Variants in PDSS2 observed in about 807,000 individuals in gnomAD.
PDSS2 encodes decaprenyl diphosphate synthase subunit 2, also known as all trans-polyprenyl-diphosphate synthase PDSS2.
PDSS2 carries 31 observed loss-of-function variants against 44.5 expected under a neutral mutation model. That is an observed-to-expected ratio of 0.70 (90% CI 0.52 to 0.94). The LOEUF is 0.94. Among genes scored for constraint, PDSS2 ranks in the 40% least tolerant of loss-of-function variants. PDSS2 has a pLI of 0.00. For synonymous variants in PDSS2, 157 were observed against 180.3 expected (o/e 0.87, Z 1.03); for missense variants, 452 against 482.2 (o/e 0.94, Z 0.59).
At chr6:107,421,132 G>T (rs1780811702) in intron 1 of PDSS2, among the ~76,000 whole-genome samples, 1 of 152,142 alleles carries the variant, frequency 6.6e-6, no homozygotes, top group Non-Finnish European at 1.5e-5. Flanking sequence ...TTAAAGCTAA[G>T]ATGAGATATT....
intron 7 of PDSS2, among the ~76,000 whole-genome samples, chr6:107,190,973 G>A (rs1465587273): frequency 6.6e-6 from 1 of 151,966 alleles, no homozygotes; most frequent in African/African-American, 2.4e-5. Flanking sequence ...CTCACTGCAA[G>A]CTCCGCCTCC....
rs775124405 is a variant in PDSS2, at chr6:107,193,778, A to G, written c.1041+44T>C. The G allele has an allele frequency of 3.4e-6, 4 of 1,179,862 alleles. No homozygotes were observed. The African/African-American group carries it at 6.0e-5, about 18-fold the overall frequency. 73.1% of individuals were successfully genotyped at this position (1,179,862 alleles called of 1,614,324 possible). On this transcript the variant is annotated intron_variant, in intron 7 of 7. Transcript: ENST00000369037. The stretch of plus-strand genomic sequence containing the variant: ...AATATAAACGAAAGCCAAACACCAA[A>G]TTGAAATGTGTAAAATAGTACAGTA...
At chr6:107,451,005 T>C (rs1781849001) in intron 1 of PDSS2, among the ~76,000 whole-genome samples, 1 of 152,182 alleles carries the variant, frequency 6.6e-6, no homozygotes, top group Admixed American at 6.5e-5. Flanking sequence ...TAATTTTTTA[T>C]ATATTTTGTA....
At chr6:107,408,822 T>C (rs534060637) in intron 1 of PDSS2, among the ~76,000 whole-genome samples, 13 of 152,290 alleles carry the variant, frequency 8.5e-5, no homozygotes, top group Admixed American at 7.8e-4. Context: ...GAACCCTAAA[T>C]ACTTTACAAG....
intron 2 of PDSS2, among the ~76,000 whole-genome samples, chr6:107,284,877 T>G (rs1376134788): frequency 6.6e-6 from 1 of 152,156 alleles, no homozygotes; most frequent in Non-Finnish European, 1.5e-5. Context: ...TGTAAAAATA[T>G]TTTTGCAAAA....
intron 2 of PDSS2, among the ~76,000 whole-genome samples, chr6:107,313,809 C>T (rs996658021): frequency 2.6e-5 from 4 of 151,858 alleles, no homozygotes; most frequent in East Asian, 3.9e-4. Context: ...TCTTTTGTTT[C>T]GTATGAAATA....
chr6:107,159,829 G>A (rs1285952630), intron 7 of PDSS2, among the ~76,000 whole-genome samples: 2 of 152,244 alleles, frequency 1.3e-5, no homozygotes, highest in East Asian at 3.9e-4. Flanking sequence ...ATGTCTGCAT[G>A]ACTAGATAAG....
chr6:107,261,739 G>C (rs1775236448), intron 3 of PDSS2, among the ~76,000 whole-genome samples: 1 of 151,126 alleles, frequency 6.6e-6, no homozygotes, highest in Non-Finnish European at 1.5e-5. Context: ...CACCATGCCC[G>C]GCTAATTTTT....
chr6:107,232,109 T>C (rs1774071906), intron 4 of PDSS2, among the ~76,000 whole-genome samples: 1 of 152,190 alleles, frequency 6.6e-6, no homozygotes, highest in Admixed American at 6.5e-5. Flanking sequence ...ACTCAACATC[T>C]GTTGAGTGAG....
At position 107,210,503 on chromosome 6, in the gene PDSS2, G is replaced by T; in HGVS notation, c.944C>A (p.Ser315Ter). 1 of 1,602,684 alleles carries T rather than the reference G, an allele frequency of 6.2e-7. No individual in the cohort carries two copies. Among genetic ancestry groups the T allele is most frequent in the South Asian group, 1.1e-5 (1 of 90,828 alleles). The change falls in exon 6 of 8, where the codon TCA (serine) becomes TAA (stop). Residue 315 changes from serine to a stop codon, truncating the protein, a stop_gained. Transcript: ENST00000369037. LOFTEE classifies it high-confidence loss of function. ...TSDSMTFNLNSAPVVLHQEFL... is the reference protein window; with the variant it reads ...TSDSMTFNLN ...TTCCTGATGTAAGACTACAGGAGCT[G>T]AGTTTAGATTAAAAGTCATGGAGTC...
intron 4 of PDSS2, among the ~76,000 whole-genome samples, chr6:107,228,328 C>A (rs767924302): frequency 3.7e-4 from 56 of 152,148 alleles, no homozygotes; most frequent in Admixed American, 5.2e-4. Context: ...CATATTTAAT[C>A]TAATACTCCT....
chr6:107,241,820 T>C (rs543377875), intron 4 of PDSS2, among the ~76,000 whole-genome samples: 1 of 152,316 alleles, frequency 6.6e-6, no homozygotes, highest in South Asian at 2.1e-4. Flanking sequence ...AACAGACTGC[T>C]ATTGTATCCT....
At chr6:107,249,055 G>A (rs1269888848) in intron 3 of PDSS2, among the ~76,000 whole-genome samples, 2 of 152,164 alleles carry the variant, frequency 1.3e-5, no homozygotes, top group Non-Finnish European at 2.9e-5. Flanking sequence ...GGGCTCTAAT[G>A]CTTGGAAATG....
intron 5 of PDSS2, among the ~76,000 whole-genome samples, chr6:107,210,842 A>G (rs1773174107): frequency 8.5e-6 from 1 of 118,262 alleles, no homozygotes; most frequent in Non-Finnish European, 1.7e-5. Context: ...CATCTCTACT[A>G]AAAAAACAAA....
At chr6:107,445,188 T>TATATATATATATATATATATATATATA (rs1554282547) in intron 1 of PDSS2, among the ~76,000 whole-genome samples, 1 of 149,824 alleles carries the variant, frequency 6.7e-6, no homozygotes, top group African/African-American at 2.4e-5. Flanking sequence ...ATTACATATT[T>TATATATATATATATATATATATATATA]TATATATATA....
chr6:107,385,680 T>C (rs1405926384), intron 1 of PDSS2, among the ~76,000 whole-genome samples: 1 of 152,152 alleles, frequency 6.6e-6, no homozygotes, highest in Admixed American at 6.5e-5. Context: ...CACAGGACAT[T>C]AAAACCAAGA....
Position 107,459,307 on chromosome 6 carries a change from G to A in PDSS2, c.-22C>T, listed in dbSNP as rs1183071380. 6.2e-6 allele frequency: 10 copies of A among 1,609,438 alleles called. No individual in the cohort carries two copies. The South Asian group carries it at 9.9e-5, about 16-fold the overall frequency. ...TCATGGTTTGAGTCTGGAAGGGTCT[G>A]GGACCTGGGGGTATCCAGAAGTGCC... On this transcript the variant is annotated 5_prime_UTR_variant, in exon 1 of 8. Coordinates refer to ENST00000369037, the MANE Select transcript of PDSS2 (RefSeq NM_020381.4). The surrounding 1 kb of genome is among the most constrained non-coding windows in gnomAD (Gnocchi z 4.3).
chr6:107,251,144 G>A (rs938387391), intron 3 of PDSS2, among the ~76,000 whole-genome samples: 1 of 152,104 alleles, frequency 6.6e-6, no homozygotes, highest in Non-Finnish European at 1.5e-5. Context: ...GTGAGCCACC[G>A]CACCCGGCCA....
intron 1 of PDSS2, among the ~76,000 whole-genome samples, chr6:107,430,166 C>T (rs949676157): frequency 3.9e-5 from 6 of 151,926 alleles, no homozygotes; most frequent in African/African-American, 1.4e-4. Context: ...TCATATTTTG[C>T]ACTCTTTTTT....
Sources: gnomAD v4.1 joint callset for allele counts (sites outside exome capture counted in the v4.1 genomes callset) on GRCh38, gnomAD v4.1.1 for gene constraint, Gnocchi (gnomAD v3.1) non-coding constraint, MANE v1.5 for transcripts, NCBI Gene and HGNC (gene_info 2026-07-23, HGNC 2026-07-21) for gene names.